PTPRT: variants seen among roughly 807,000 people sequenced by gnomAD.
The protein encoded by PTPRT is receptor-type tyrosine-protein phosphatase T.
In PTPRT, 56 loss-of-function variants were observed where a neutral mutation model predicts 176.8. The ratio of observed to expected loss-of-function variants is 0.32; its 90% confidence interval spans 0.26 to 0.40. The LOEUF (loss-of-function observed/expected upper bound fraction) is 0.40, where lower values mean the gene tolerates loss of function less well. PTPRT is among the 10% of genes least tolerant of loss of function. The probability of loss-of-function intolerance (pLI) is 1.00; values close to 1 mark genes in which losing one functional copy is unlikely to be tolerated. For synonymous variants in PTPRT, 783 were observed against 739.0 expected, an observed-to-expected ratio of 1.06 and a Z score of -0.96; for missense variants, 1,540 against 1,908.2, an observed-to-expected ratio of 0.81 and a Z score of 3.60.
intron 9 of PTPRT, among the ~76,000 whole-genome samples, chr20:42,401,164 T>TAAAC (rs1311646523): frequency 3.5e-5 from 5 of 143,308 alleles, no homozygotes; most frequent in Admixed American, 2.1e-4. Context: ...AATAAATAAA[T>TAAAC]AAACAAACCT....
the PTPRT span, among the ~76,000 whole-genome samples, chr20:42,048,611 C>G: frequency 6.6e-6 from 1 of 151,212 alleles, no homozygotes; most frequent in Admixed American, 6.6e-5. Context: ...CTACTGACAG[C>G]CAGCATCAAC....
At chr20:43,028,791 T>C (rs1452234048) in intron 1 of PTPRT, among the ~76,000 whole-genome samples, 2 of 152,090 alleles carry the variant, frequency 1.3e-5, no homozygotes, top group Non-Finnish European at 2.9e-5. Context: ...TGAGAAAACC[T>C]CCAGTAAATG....
chr20:43,049,797 T>A (rs1461340370), intron 1 of PTPRT, among the ~76,000 whole-genome samples: 1 of 152,228 alleles, frequency 6.6e-6, no homozygotes, highest in Non-Finnish European at 1.5e-5. Context: ...TGTTCATCCC[T>A]GCCCTGCTCA....
At chr20:42,888,934 T>C (rs1044964221) in intron 1 of PTPRT, among the ~76,000 whole-genome samples, 1 of 152,230 alleles carries the variant, frequency 6.6e-6, no homozygotes, top group Admixed American at 6.5e-5. Flanking sequence ...ATTATTTTAG[T>C]TGATGGTTTA....
Position 42,417,290 on chromosome 20 carries a change from G to A in PTPRT, c.1560+30930C>T, listed in dbSNP as rs577225529. 4.6e-5 allele frequency among the ~76,000 whole-genome samples: 7 copies of A among 152,124 alleles called. No individual in the cohort carries two copies. In the South Asian group the frequency reaches 8.3e-4, roughly 18 times the overall value. ...ATACAATGGCAGACAAAATAACCCCGCACCTCAGCCCTTCCTATGACCTGG... is the reference window on the plus strand; with the variant it reads ...ATACAATGGCAGACAAAATAACCCCACACCTCAGCCCTTCCTATGACCTGG... On this transcript the variant is annotated intron_variant, in intron 9 of 30. Transcript: ENST00000373187.
chr20:43,073,478 T>TATAC (rs1568768574), intron 1 of PTPRT, among the ~76,000 whole-genome samples: 1 of 96,700 alleles, frequency 1.0e-5, no homozygotes, highest in African/African-American at 4.2e-5. Flanking sequence ...AATATATATA[T>TATAC]ATACACACAC....
intron 1 of PTPRT, among the ~76,000 whole-genome samples, chr20:43,068,471 C>T (rs1462849692): frequency 6.9e-6 from 1 of 145,906 alleles, no homozygotes; most frequent in Non-Finnish European, 1.5e-5. Flanking sequence ...CGCCACTGCA[C>T]TCCAGCCTGG....
intron 7 of PTPRT, among the ~76,000 whole-genome samples, chr20:42,475,311 C>T (rs1386588238): frequency 2.6e-5 from 4 of 152,320 alleles, no homozygotes; most frequent in African/African-American, 4.8e-5. Flanking sequence ...CCTGACCCCA[C>T]ATGTAGTGTG....
At chr20:43,066,953 T>C (rs1445918718) in intron 1 of PTPRT, among the ~76,000 whole-genome samples, 3 of 152,236 alleles carry the variant, frequency 2.0e-5, no homozygotes, top group Non-Finnish European at 4.4e-5. Context: ...CCACAAAGCC[T>C]AAAATATTTG....
intron 7 of PTPRT, among the ~76,000 whole-genome samples, chr20:42,574,063 T>C (rs1226292840): frequency 1.3e-5 from 2 of 152,174 alleles, no homozygotes; most frequent in Admixed American, 6.5e-5. Flanking sequence ...ACTCTTTCTA[T>C]GCTTCTGACT....
intron 4 of PTPRT, among the ~76,000 whole-genome samples, chr20:42,779,215 G>A (rs1388603550): frequency 2.6e-5 from 4 of 152,242 alleles, no homozygotes; most frequent in Non-Finnish European, 5.9e-5. Flanking sequence ...ACATGGATGA[G>A]GCTGAAATGA....
chr20:42,610,119 T>C (rs73909910), intron 7 of PTPRT, among the ~76,000 whole-genome samples: 1 of 152,148 alleles, frequency 6.6e-6, no homozygotes, highest in African/African-American at 2.4e-5. Flanking sequence ...GCGACTATTT[T>C]GCAATGTGAT....
intron 2 of PTPRT, among the ~76,000 whole-genome samples, chr20:42,869,984 T>A (rs897814392): frequency 7.9e-5 from 12 of 152,274 alleles, no homozygotes; most frequent in Admixed American, 5.2e-4. Flanking sequence ...CAAGCCACCA[T>A]CTTTGAAATA....
chr20:42,772,897 G>A (rs1219780930), intron 4 of PTPRT, among the ~76,000 whole-genome samples: 2 of 152,236 alleles, frequency 1.3e-5, no homozygotes, highest in Non-Finnish European at 2.9e-5. Flanking sequence ...CTATAAAGCA[G>A]ACACTATTAT....
At chr20:42,813,755 G>A (rs2077736204) in intron 2 of PTPRT, among the ~76,000 whole-genome samples, 1 of 152,072 alleles carries the variant, frequency 6.6e-6, no homozygotes, top group African/African-American at 2.4e-5. Flanking sequence ...GTGATATTTG[G>A]TCATTCTTAG....
chr20:42,861,856 T>TA (rs1482684347), intron 2 of PTPRT, among the ~76,000 whole-genome samples: 95 of 146,656 alleles, frequency 6.5e-4, no homozygotes, highest in Admixed American at 1.2e-3. Flanking sequence ...CTGGTGTGGT[T>TA]AAAAAAAAAC....
intron 25 of PTPRT, among the ~76,000 whole-genome samples, chr20:42,103,643 A>G (rs1167026802): frequency 2.0e-5 from 3 of 152,054 alleles, no homozygotes; most frequent in Non-Finnish European, 4.4e-5. Flanking sequence ...CTTGTTTTGT[A>G]TTTTTAGTAG....
chr20:42,893,292 A>T (rs1187752549), intron 1 of PTPRT, among the ~76,000 whole-genome samples: 1 of 152,224 alleles, frequency 6.6e-6, no homozygotes, highest in East Asian at 1.9e-4. Context: ...AGAGAAATGC[A>T]AATCAAAACC....
At chr20:42,984,908 C>T (rs941914869) in intron 1 of PTPRT, among the ~76,000 whole-genome samples, 4 of 152,256 alleles carry the variant, frequency 2.6e-5, no homozygotes, top group Admixed American at 6.5e-5. Context: ...TAAGTGCTAA[C>T]GACAGAGGCT....
Sources: allele counts gnomAD v4.1 joint callset (sites outside exome capture counted in the v4.1 genomes callset), GRCh38; gene constraint gnomAD v4.1.1; transcripts MANE v1.5; gene names NCBI Gene and HGNC (gene_info 2026-07-23, HGNC 2026-07-21).